The following PTPN13 variants were observed in gnomAD, a reference collection of about 807,000 sequenced individuals.
PTPN13 encodes the protein protein tyrosine phosphatase non-receptor type 13.
A neutral mutation model predicts 284.0 loss-of-function variants in PTPN13; 191 were observed. The observed-to-expected ratio is 0.67, with a 90% CI of 0.60 to 0.76. PTPN13 has a LOEUF of 0.76. Among genes scored for constraint, PTPN13 ranks in the 30% least tolerant of loss-of-function variants. PTPN13 has a pLI of 0.00. For missense variants in PTPN13, 2,797 were observed against 2,939.9 expected (o/e 0.95, Z 1.12); for synonymous variants, 986 against 1,022.3 (o/e 0.96, Z 0.68).
At chr4:86,805,922 G>A (rs28558568) in intron 44 of PTPN13, among the ~76,000 whole-genome samples, 12,129 of 152,116 alleles carry the variant, frequency 0.08, 640 homozygotes, top group Non-Finnish European at 0.11. Context: ...TTGGGAGGCC[G>A]AGGGAGGCAG....
At chr4:86,779,372 G>A (rs939112550) in intron 35 of PTPN13, among the ~76,000 whole-genome samples, 2 of 150,854 alleles carry the variant, frequency 1.3e-5, no homozygotes, top group African/African-American at 2.4e-5. Context: ...AGCCGAGATA[G>A]CGCCACTGCA....
At chr4:86,686,803 C>G (rs753313949) in intron 4 of PTPN13, 28 bp downstream of exon 4, 7 of 1,460,148 alleles carry the variant, frequency 4.8e-6, no homozygotes, top group Non-Finnish European at 6.6e-6. Flanking sequence ...AGTTGTTATA[C>G]TTTTTACATA....
chr4:86,779,306 A>G (rs976550220), intron 35 of PTPN13, among the ~76,000 whole-genome samples: 1 of 151,728 alleles, frequency 6.6e-6, no homozygotes, highest in South Asian at 2.1e-4. Flanking sequence ...AGTCCCAGCT[A>G]CTCGGGAGGC....
intron 40 of PTPN13, among the ~76,000 whole-genome samples, chr4:86,794,816 A>C (rs10028003): frequency 0.099 from 15,144 of 152,238 alleles, 872 homozygotes; most frequent in Non-Finnish European, 0.11. Flanking sequence ...CCTATTTAAT[A>C]AATAGTGCTG....
At chr4:86,627,496 G>A (rs534496272) in intron 1 of PTPN13, among the ~76,000 whole-genome samples, 1 of 146,498 alleles carries the variant, frequency 6.8e-6, no homozygotes, top group East Asian at 2.1e-4. Flanking sequence ...CTTTGATTGG[G>A]TTTAGTTTTT....
intron 2 of PTPN13, among the ~76,000 whole-genome samples, chr4:86,651,184 G>A (rs1725036694): frequency 6.6e-6 from 1 of 152,092 alleles, no homozygotes; most frequent in South Asian, 2.1e-4. Flanking sequence ...TATAGTTTTT[G>A]TCTTTTATTC....
chr4:86,722,022 C>T (rs1459154225), intron 9 of PTPN13, among the ~76,000 whole-genome samples, 190 bp from the exon 10 acceptor site: 1 of 152,160 alleles, frequency 6.6e-6, no homozygotes, highest in Admixed American at 6.5e-5. Flanking sequence ...GCTGGGATTG[C>T]AGGCATGAGC....
chr4:86,660,049 A>G lies in PTPN13; in HGVS notation c.116-12316A>G, dbSNP rs144595693. On this transcript the variant is annotated intron_variant, in intron 2 of 47. Transcript: ENST00000411767. ...GAAGTAAAAGGTTCAAGAAGGAACA[A>G]TAAGCAAAATAATCAGTCAACTTGA... Among the ~76,000 whole-genome samples, 514 of 152,340 alleles carry G rather than the reference A, an allele frequency of 3.4e-3. 1 individual carries two copies. Among genetic ancestry groups the G allele is most frequent in the African/African-American group, 0.012 (495 of 41,588 alleles).
chr4:86,642,364 A>AT (rs1378639308), intron 2 of PTPN13, among the ~76,000 whole-genome samples: 1 of 150,758 alleles, frequency 6.6e-6, no homozygotes, highest in Non-Finnish European at 1.5e-5. Context: ...GTTCTGGGAA[A>AT]TTTTACTAAG....
chr4:86,624,157 T>A (rs1337529664), intron 1 of PTPN13, among the ~76,000 whole-genome samples: 2 of 152,160 alleles, frequency 1.3e-5, no homozygotes, highest in Admixed American at 6.6e-5. Context: ...TACAATTTAT[T>A]TGACTCTCTT....
chr4:86,720,231 G>A (rs866444482), intron 9 of PTPN13, among the ~76,000 whole-genome samples: 4 of 152,184 alleles, frequency 2.6e-5, no homozygotes, highest in South Asian at 2.1e-4. Context: ...ATATTCAAGC[G>A]AAATTAAATC....
At position 86,716,546 on chromosome 4, in the gene PTPN13, C is replaced by A; in HGVS notation, c.1212C>A (p.Tyr404Ter). 6.3e-7 allele frequency: 1 copy of A among 1,587,938 alleles called. No homozygotes were observed. Among genetic ancestry groups the A allele is most frequent in the African/African-American group, 1.3e-5 (1 of 74,310 alleles). ...AMNVEEPVRR[Y>*]KTYHGDVFST... is the part of the protein sequence containing the mutation. ...TCCTTTTAGAACCAGTTCGAAGATACAAAACTTATCATGGTGATGTCTTTA... is the reference window on the plus strand; with the variant it reads ...TCCTTTTAGAACCAGTTCGAAGATAAAAAACTTATCATGGTGATGTCTTTA... The change falls in exon 8 of 48, where the codon TAC becomes TAA. Residue 404 changes from tyrosine to a stop codon, truncating the protein, a stop_gained. Coordinates refer to ENST00000411767, the MANE Select transcript of PTPN13 (RefSeq NM_080683.3). LOFTEE classifies it high-confidence loss of function.
At chr4:86,713,442 G>T (rs1732662692) in intron 7 of PTPN13, among the ~76,000 whole-genome samples, 1 of 151,688 alleles carries the variant, frequency 6.6e-6, no homozygotes, top group Non-Finnish European at 1.5e-5. Flanking sequence ...CATCTCTACA[G>T]TCCATTCAAA....
intron 2 of PTPN13, among the ~76,000 whole-genome samples, chr4:86,643,913 ACT>A (rs1008126607): frequency 2.6e-5 from 4 of 152,064 alleles, no homozygotes; most frequent in African/African-American, 7.2e-5. Context: ...AATTGATAAC[ACT>A]CTTATCAATA....
intron 17 of PTPN13, among the ~76,000 whole-genome samples, chr4:86,746,516 A>G (rs933907762): frequency 6.6e-6 from 1 of 152,194 alleles, no homozygotes; most frequent in Non-Finnish European, 1.5e-5. Context: ...TGGAGGTTGT[A>G]TGCTGATTTA....
chr4:86,747,072 T>C (rs949528959), intron 17 of PTPN13, among the ~76,000 whole-genome samples: 1 of 152,250 alleles, frequency 6.6e-6, no homozygotes, highest in African/African-American at 2.4e-5. Flanking sequence ...TTCAGTACAA[T>C]CCATAACAAC....
At chr4:86,697,769 T>G (rs1002022264) in intron 6 of PTPN13, among the ~76,000 whole-genome samples, 7 of 152,176 alleles carry the variant, frequency 4.6e-5, no homozygotes, top group Admixed American at 4.6e-4. Flanking sequence ...ATTTCGAAGT[T>G]TACTTCTAAG....
intron 1 of PTPN13, among the ~76,000 whole-genome samples, chr4:86,613,021 C>A (rs1392585296): frequency 6.6e-6 from 1 of 152,010 alleles, no homozygotes; most frequent in Non-Finnish European, 1.5e-5. Context: ...ATTTACACAA[C>A]AAAATGAAGA....
At chr4:86,745,769 C>G (rs1056462034) in intron 17 of PTPN13, among the ~76,000 whole-genome samples, 12 of 151,190 alleles carry the variant, frequency 7.9e-5, no homozygotes, top group African/African-American at 2.7e-4. Flanking sequence ...GTGCGAGACT[C>G]TGTCTCAAAA....
Sources: gnomAD v4.1 joint callset for allele counts (sites outside exome capture counted in the v4.1 genomes callset) on GRCh38, gnomAD v4.1.1 for gene constraint, MANE v1.5 for transcripts, NCBI Gene and HGNC (gene_info 2026-07-23, HGNC 2026-07-21) for gene names.